TRERF1: variants seen among roughly 807,000 people sequenced by gnomAD.
TRERF1 encodes the protein transcriptional-regulating factor 1.
In TRERF1, 27 loss-of-function variants were observed where a neutral mutation model predicts 122.9. That is an observed-to-expected ratio of 0.22 (90% CI 0.16 to 0.30). TRERF1 has a LOEUF of 0.30. TRERF1 is among the 10% of genes least tolerant of loss of function. The pLI is 1.00. For missense variants in TRERF1, 1,248 were observed against 1,560.3 expected, an observed-to-expected ratio of 0.80 and a Z score of 3.37; for synonymous variants, 636 against 641.7, an observed-to-expected ratio of 0.99 and a Z score of 0.13.
intron 2 of TRERF1, among the ~76,000 whole-genome samples, chr6:42,374,137 T>TTA (rs1554193452): frequency 1.6e-5 from 2 of 127,398 alleles, no homozygotes; most frequent in South Asian, 2.4e-4. Context: ...GTCTTTTTTT[T>TTA]AAAAAAAAAA....
intron 2 of TRERF1, among the ~76,000 whole-genome samples, chr6:42,418,022 A>G (rs764730513): frequency 6.6e-5 from 10 of 152,016 alleles, no homozygotes; most frequent in Non-Finnish European, 1.2e-4. Context: ...CACAATAAAA[A>G]CCACATTGCC....
At position 42,436,812 on chromosome 6, in the gene TRERF1, A is replaced by ATATATATAT. The variant is rs1472456515; in HGVS notation, c.-454+14364_-454+14365insATATATATA. Among the ~76,000 whole-genome samples, 157 of 97,800 alleles carry ATATATATAT rather than the reference A, an allele frequency of 1.6e-3. 1 individual carries two copies. Among genetic ancestry groups the ATATATATAT allele is most frequent in the South Asian group, 4.0e-3 (9 of 2,238 alleles). 64.2% of individuals were successfully genotyped at this position (97,800 alleles called of 152,430 possible). On this transcript the variant is annotated intron_variant, in intron 2 of 17. Coordinates refer to ENST00000372922, the Ensembl canonical transcript of TRERF1. ...CAATCTCCCTCTACAAAAAAAAAAA[A>ATATATATAT]AAATATATATATATATATATATATA...
intron 2 of TRERF1, among the ~76,000 whole-genome samples, chr6:42,380,141 C>T (rs1024073109): frequency 6.6e-6 from 1 of 151,854 alleles, no homozygotes; most frequent in African/African-American, 2.4e-5. Flanking sequence ...AGTGCAAAGG[C>T]CCCGAGGTGG....
At chr6:42,389,571 C>T (rs1052237461) in intron 2 of TRERF1, among the ~76,000 whole-genome samples, 1 of 152,158 alleles carries the variant, frequency 6.6e-6, no homozygotes, top group African/African-American at 2.4e-5. Context: ...AAGAATGTGC[C>T]CAGTAAGCAT....
In TRERF1 at chr6:42,431,887, C is replaced by T. The variant is rs187545760; in HGVS notation, c.-454+19290G>A. On this transcript the variant is annotated intron_variant, in intron 2 of 17. Transcript: ENST00000372922. ...CCACCTTCATGTCCCTCCCCCTACCCGATGAGAAAGAAAAAAAGGCCCAAC... is the reference window on the plus strand; with the variant it reads ...CCACCTTCATGTCCCTCCCCCTACCTGATGAGAAAGAAAAAAAGGCCCAAC... Among the ~76,000 whole-genome samples, 386 of 152,116 alleles carry T rather than the reference C, an allele frequency of 2.5e-3. 3 individuals carry two copies. Among genetic ancestry groups the T allele is most frequent in the African/African-American group, 9.0e-3 (373 of 41,468 alleles).
chr6:42,341,497 G>T (rs112605071), intron 3 of TRERF1, among the ~76,000 whole-genome samples: 4,116 of 152,312 alleles, frequency 0.027, 196 homozygotes, highest in African/African-American at 0.095. Context: ...CGGAGTCTAA[G>T]GCCCCGGGAA....
At chr6:42,236,086 C>A (rs1772109058) in intron 16 of TRERF1, 119 bp downstream of exon 16, 5 of 1,418,082 alleles carry the variant, frequency 3.5e-6, no homozygotes, top group Non-Finnish European at 4.6e-6. Context: ...CATGGAGCAC[C>A]CTCTGCCAAA....
intron 4 of TRERF1, among the ~76,000 whole-genome samples, chr6:42,299,200 T>TTCTATCTA (rs70987591): frequency 0.15 from 21,923 of 146,450 alleles, 1,682 homozygotes; most frequent in African/African-American, 0.17. Context: ...GTCTGTTTTT[T>TTCTATCTA]TCTATCTATC....
At chr6:42,351,916 G>A (rs1769517385) in intron 3 of TRERF1, among the ~76,000 whole-genome samples, 1 of 152,214 alleles carries the variant, frequency 6.6e-6, no homozygotes, top group South Asian at 2.1e-4. Flanking sequence ...GGCTCCACCG[G>A]TGGAGTGACC....
chr6:42,272,667 G>C (rs934111717), intron 4 of TRERF1, among the ~76,000 whole-genome samples: 4 of 152,196 alleles, frequency 2.6e-5, no homozygotes, highest in African/African-American at 9.7e-5. Flanking sequence ...AGAAGACAGT[G>C]AGCAGGGAGA....
At chr6:42,279,977 A>G (rs921332586) in intron 4 of TRERF1, among the ~76,000 whole-genome samples, 1 of 152,104 alleles carries the variant, frequency 6.6e-6, no homozygotes, top group Non-Finnish European at 1.5e-5. Flanking sequence ...ATAACCGTGC[A>G]ATAGTGTTCT....
At chr6:42,253,218 T>G (rs1020889046) in intron 13 of TRERF1, among the ~76,000 whole-genome samples, 3 of 152,202 alleles carry the variant, frequency 2.0e-5, no homozygotes, top group Non-Finnish European at 4.4e-5. Flanking sequence ...TTGGTACACT[T>G]GGAAGAACCA....
chr6:42,305,995 CTTTTTTTTTTTTT>C (rs55700516), intron 3 of TRERF1, among the ~76,000 whole-genome samples: 1 of 69,464 alleles, frequency 1.4e-5, no homozygotes, highest in African/African-American at 5.9e-5. Flanking sequence ...AATATCTCTC[CTTTTTTTTTTTTT>C]TTTTTTTTTT....
intron 2 of TRERF1, among the ~76,000 whole-genome samples, chr6:42,371,523 T>C (rs1773756641): frequency 6.6e-6 from 1 of 152,174 alleles, no homozygotes; most frequent in Non-Finnish European, 1.5e-5. Context: ...AGAGACCTGA[T>C]GCTCAACCCC....
At chr6:42,401,111 G>A (rs1779317130) in intron 2 of TRERF1, among the ~76,000 whole-genome samples, 1 of 152,218 alleles carries the variant, frequency 6.6e-6, no homozygotes. Flanking sequence ...TTGAAGAGGA[G>A]GGCACAGGCC....
At position 42,263,523 on chromosome 6, in the gene TRERF1, G is replaced by A; in HGVS notation, c.1681C>T (p.Pro561Ser). The A allele has an allele frequency of 3.2e-6, 5 of 1,564,866 alleles. No individual in the cohort carries two copies. Among genetic ancestry groups the A allele is most frequent in the Non-Finnish European group, 4.3e-6 (5 of 1,153,694 alleles). ...GGCGGCGGAGGCGGAGGCGGAGGCG[G>A]CAGTGGTGGCTGGGGCTGAGGCGGC... Residue 561 changes from proline to serine, a missense_variant, in exon 8 of 18, where the codon CCG becomes TCG. Pro to Ser is a moderately conservative substitution (Grantham distance 74). Around this residue, in one of 5 missense-constraint regions of TRERF1, gnomAD observed 946 missense variants for 1,073.0 expected, o/e 0.88. Transcript: ENST00000372922. The surrounding 1 kb of genome is among the most constrained non-coding windows in gnomAD (Gnocchi z 5.6).
intron 2 of TRERF1, among the ~76,000 whole-genome samples, chr6:42,422,543 T>C (rs1240219068): frequency 6.7e-6 from 1 of 150,268 alleles, no homozygotes; most frequent in Non-Finnish European, 1.5e-5. Context: ...TCTCCTGCCA[T>C]ACCTTCCACC....
rs566328316 is a variant in TRERF1, at chr6:42,249,744, C to G, written c.2657-3200G>C. On this transcript the variant is annotated intron_variant, in intron 13 of 17. Coordinates refer to ENST00000372922, the Ensembl canonical transcript of TRERF1. ...AGTCTTAAGACAGTAAGAGGTGGCT[C>G]TTCTGCACAGTCCTAGGCTTTGTGC... Among the ~76,000 whole-genome samples, 504 of 152,312 alleles carry G rather than the reference C, an allele frequency of 3.3e-3. 5 individuals are homozygous for G. Among genetic ancestry groups the G allele is most frequent in the African/African-American group, 0.011 (476 of 41,556 alleles).
rs561850629 is a variant in TRERF1, at chr6:42,243,705, C to T, written c.2746-344G>A. Among the ~76,000 whole-genome samples, 509 of 151,578 alleles carry T rather than the reference C, an allele frequency of 3.4e-3. 5 individuals carry two copies. The highest frequency in any genetic ancestry group is 0.011 in the African/African-American group (473 of 41,292). ...ACACCATTCTCCTGCCTCAGCCTCCCGAGTAGCTGGGACTACAGGCATCCG... is the reference window on the plus strand; with the variant it reads ...ACACCATTCTCCTGCCTCAGCCTCCTGAGTAGCTGGGACTACAGGCATCCG... On this transcript the variant is annotated intron_variant, in intron 14 of 17. Transcript: ENST00000372922.
Sources: allele counts gnomAD v4.1 joint callset (sites outside exome capture counted in the v4.1 genomes callset), GRCh38; gene constraint gnomAD v4.1.1; regional missense constraint gnomAD v4.1.1; non-coding constraint Gnocchi (gnomAD v3.1); transcripts MANE v1.5; gene names NCBI Gene and HGNC (gene_info 2026-07-23, HGNC 2026-07-21).